SMCO2: variants seen among roughly 807,000 people sequenced by gnomAD.
The protein encoded by SMCO2 is single-pass membrane and coiled-coil domain-containing protein 2.
Under a neutral mutation model 29.5 loss-of-function variants are expected in SMCO2, and 25 were observed. The ratio of observed to expected loss-of-function variants is 0.85; its 90% CI spans 0.62 to 1.18. SMCO2 has a LOEUF of 1.18. Ranked by LOEUF, SMCO2 falls within the 50% of genes most tolerant of loss-of-function variation. The probability of loss-of-function intolerance (pLI) is 0.00; values close to 1 mark genes in which losing one functional copy is unlikely to be tolerated. For synonymous variants in SMCO2, 117 were observed against 123.3 expected (o/e 0.95, Z 0.34); for missense variants, 348 against 344.5 (o/e 1.01, Z -0.08).
At chr12:27,479,844 T>A (rs1555174315) in intron 4 of SMCO2, among the ~76,000 whole-genome samples, 1 of 152,068 alleles carries the variant, frequency 6.6e-6, no homozygotes, top group Non-Finnish European at 1.5e-5. Context: ...GGACTGTGAG[T>A]CCATTAAAAA....
At chr12:27,427,914 C>A in the SMCO2 span, among the ~76,000 whole-genome samples, 1 of 151,914 alleles carries the variant, frequency 6.6e-6, no homozygotes, top group Non-Finnish European at 1.5e-5. Context: ...AAAGATACTT[C>A]GGCAGGCAGA....
At chr12:27,470,895 C>A in intron 2 of SMCO2, 130 bp downstream of exon 2, 1 of 1,094,578 alleles carries the variant, frequency 9.1e-7, no homozygotes, top group South Asian at 1.8e-5. Flanking sequence ...TATAATTTAT[C>A]TAATTTTAAT....
chr12:27,485,688 C>T (rs553160890), intron 4 of SMCO2, among the ~76,000 whole-genome samples: 2 of 152,222 alleles, frequency 1.3e-5, no homozygotes, highest in East Asian at 1.9e-4. Flanking sequence ...CTCAGGCAAT[C>T]GGCCCACCTC....
intron 1 of SMCO2, among the ~76,000 whole-genome samples, chr12:27,467,823 C>A (rs775564241): frequency 6.6e-6 from 1 of 152,084 alleles, no homozygotes; most frequent in Non-Finnish European, 1.5e-5. Context: ...ACAAGATGTG[C>A]CATGGTTGGC....
chr12:27,483,639 G>T (rs144691189), intron 4 of SMCO2, among the ~76,000 whole-genome samples: 78 of 151,910 alleles, frequency 5.1e-4, no homozygotes, highest in African/African-American at 1.8e-3. Context: ...TGCCCAGGCT[G>T]GTCTCCAACT....
chr12:27,455,221 G>T, the SMCO2 span, among the ~76,000 whole-genome samples: 1 of 152,244 alleles, frequency 6.6e-6, no homozygotes, highest in African/African-American at 2.4e-5. Context: ...GGGGCATTTG[G>T]GAGAAGCACT....
chr12:27,450,193 A>G, the SMCO2 span, among the ~76,000 whole-genome samples: 1 of 152,138 alleles, frequency 6.6e-6, no homozygotes, highest in African/African-American at 2.4e-5. Context: ...CTGGTCACCA[A>G]AACATATTCT....
At chr12:27,451,102 A>G in the SMCO2 span, among the ~76,000 whole-genome samples, 2 of 152,248 alleles carry the variant, frequency 1.3e-5, no homozygotes, top group Non-Finnish European at 2.9e-5. Flanking sequence ...TTACTACTAC[A>G]GATAGTTATT....
chr12:27,494,317 A>G, exon 6 of SMCO2: 1 of 1,522,964 alleles, frequency 6.6e-7, no homozygotes, highest in Non-Finnish European at 8.8e-7. Context: ...CTTGTAATGA[A>G]GTTTATGAAT....
chr12:27,465,028 C>CAAAAAAAAAAAAAAAAAAAAA (rs35630976), upstream of SMCO2, among the ~76,000 whole-genome samples: 6 of 60,552 alleles, frequency 9.9e-5, no homozygotes, highest in African/African-American at 1.2e-4. Context: ...GACCCTGTCT[C>CAAAAAAAAAAAAAAAAAAAAA]AAAAAAAAAA....
At chr12:27,453,537 A>G in the SMCO2 span, among the ~76,000 whole-genome samples, 342 of 152,352 alleles carry the variant, frequency 2.2e-3, no homozygotes, top group African/African-American at 7.8e-3. Flanking sequence ...CAGAATTTCA[A>G]AAATGCCTGA....
At chr12:27,448,939 G>A in the SMCO2 span, among the ~76,000 whole-genome samples, 2 of 152,160 alleles carry the variant, frequency 1.3e-5, no homozygotes, top group African/African-American at 4.8e-5. Flanking sequence ...AGGGGTAAAA[G>A]ACAGAAGGAC....
At chr12:27,491,872 T>G (rs190967816) in intron 5 of SMCO2, among the ~76,000 whole-genome samples, 3 of 151,892 alleles carry the variant, frequency 2.0e-5, no homozygotes, top group African/African-American at 7.2e-5. Context: ...GCTGGCTAAT[T>G]TCTTTTTTTG....
At chr12:27,482,620 G>C (rs1470601929) in intron 4 of SMCO2, among the ~76,000 whole-genome samples, 1 of 152,224 alleles carries the variant, frequency 6.6e-6, no homozygotes, top group Non-Finnish European at 1.5e-5. Context: ...ATTATTTAAA[G>C]TATGTTTTAG....
At chr12:27,471,316 T>C (rs980441752) in intron 2 of SMCO2, among the ~76,000 whole-genome samples, 5 of 152,302 alleles carry the variant, frequency 3.3e-5, no homozygotes, top group South Asian at 4.1e-4. Flanking sequence ...TTGTAAACTT[T>C]GGGCAGTTTT....
chr12:27,477,210 GTTTTTTTTTTTT>G (rs770789669), intron 4 of SMCO2, among the ~76,000 whole-genome samples: 2 of 62,668 alleles, frequency 3.2e-5, no homozygotes, highest in Non-Finnish European at 5.1e-5. Flanking sequence ...TGGCTGTCAG[GTTTTTTTTTTTT>G]TTTTTTTTTT....
At chr12:27,462,444 TTC>T (rs1949465851), upstream of SMCO2, among the ~76,000 whole-genome samples, 1 of 152,234 alleles carries the variant, frequency 6.6e-6, no homozygotes, top group African/African-American at 2.4e-5. Context: ...ATGAATAATA[TTC>T]TCTTTCTCCC....
chr12:27,470,337 G>A (rs2135544033), intron 1 of SMCO2, among the ~76,000 whole-genome samples: 1 of 152,262 alleles, frequency 6.6e-6, no homozygotes, highest in African/African-American at 2.4e-5. Flanking sequence ...CTTCCAGGCT[G>A]GTTATTATAT....
At chr12:27,483,794 C>T (rs542559152) in intron 4 of SMCO2, among the ~76,000 whole-genome samples, 16 of 152,240 alleles carry the variant, frequency 1.1e-4, no homozygotes, top group African/African-American at 3.6e-4. Context: ...CACTATCTGC[C>T]TTCAAGTAAT....
Sources: allele counts gnomAD v4.1 joint callset (sites outside exome capture counted in the v4.1 genomes callset), GRCh38; gene constraint gnomAD v4.1.1; transcripts MANE v1.5; gene names NCBI Gene and HGNC (gene_info 2026-07-23, HGNC 2026-07-21).